FBLN1: variants seen among roughly 807,000 people sequenced by gnomAD.
The protein encoded by FBLN1 is fibulin 1, also known as fibulin-1.
FBLN1 carries 34 observed loss-of-function variants against 89.7 expected under a neutral mutation model. The ratio of observed to expected loss-of-function variants is 0.38; its 90% CI spans 0.29 to 0.50. FBLN1 has a LOEUF of 0.50. Ranked by LOEUF, FBLN1 falls within the 20% of genes least tolerant of loss-of-function variation. The pLI, the probability that FBLN1 is intolerant of heterozygous loss-of-function variation, is 0.92. For synonymous variants in FBLN1, 393 were observed against 391.3 expected (o/e 1.00, Z -0.05); for missense variants, 777 against 988.1 (o/e 0.79, Z 2.86).
chr22:45,560,391 C>T (rs1602209773), intron 14 of FBLN1, among the ~76,000 whole-genome samples: 2 of 152,304 alleles, frequency 1.3e-5, no homozygotes, highest in African/African-American at 4.8e-5. Context: ...CTGAATCCTC[C>T]CAACTTGGTT....
intron 10 of FBLN1, 28 bp from the exon 11 acceptor site, chr22:45,543,373 C>A (rs1043152925): frequency 1.2e-6 from 2 of 1,609,480 alleles, no homozygotes; most frequent in African/African-American, 1.3e-5. Flanking sequence ...TGGACATTGC[C>A]CTGAGTCAGC....
chr22:45,598,470 C>CT lies in FBLN1; in HGVS notation c.1973-1836dup, dbSNP rs1439086678. 9.2e-5 allele frequency among the ~76,000 whole-genome samples: 14 copies of CT among 152,220 alleles called. 1 individual carries two copies. The highest frequency in any genetic ancestry group is 7.2e-4 in the Admixed American group (11 of 15,288). On this transcript the variant is annotated intron_variant, in intron 16 of 16. Transcript: ENST00000327858. ...TTCATAAATGTCAGCACCCATAGGT[C>CT]TGTGCCTGTTTGGCCGCAGACACTG... is the stretch of plus-strand genomic sequence containing the variant.
chr22:45,561,464 C>T lies in FBLN1; in HGVS notation c.1697+10849C>T, dbSNP rs1447825874. ...ATGTATAGAGTCACTAAACTTGCCT[C>T]ATGAGCGATGAATCAGGAGTTTCAA... On this transcript the variant is annotated intron_variant, in intron 14 of 16. Transcript: ENST00000327858. The surrounding 1 kb of genome is among the most constrained non-coding windows in gnomAD (Gnocchi z 4.7). 6.6e-6 allele frequency among the ~76,000 whole-genome samples: 1 copy of T among 152,234 alleles called. No individual in the cohort carries two copies. Among genetic ancestry groups the T allele is most frequent in the African/African-American group, 2.4e-5 (1 of 41,458 alleles).
At position 45,600,325 on chromosome 22, in the gene FBLN1, G is replaced by A. The variant is rs770004900; in HGVS notation, c.1991G>A (p.Arg664Gln). The A allele has an allele frequency of 6.2e-6, 10 of 1,614,144 alleles. No individual in the cohort carries two copies. The highest frequency in any genetic ancestry group is 1.3e-5 in the African/African-American group (1 of 75,038). The change falls in exon 17 of 17, where the codon CGG becomes CAG. Residue 664 changes from arginine to glutamine, a missense_variant. Coordinates refer to ENST00000327858, the MANE Select transcript of FBLN1 (RefSeq NM_006486.3). ...GMTVGVVRQV[R>Q]PIVGPFHAVL... ...TCCGCAGGTGTCGTGCGCCAGGTGC[G>A]GCCCATCGTGGGCCCATTTCATGCC... is the stretch of plus-strand genomic sequence containing the variant.
intron 14 of FBLN1, among the ~76,000 whole-genome samples, chr22:45,551,897 C>T (rs1477933762): frequency 6.6e-6 from 1 of 152,244 alleles, no homozygotes; most frequent in Non-Finnish European, 1.5e-5. Flanking sequence ...ACCTCGATTT[C>T]TAACTTGCGC....
Position 45,518,755 on chromosome 22 carries a change from G to A in FBLN1, c.153G>A (p.Ser51=), listed in dbSNP as rs776003755. Residue 51 remains serine, a synonymous_variant, in exon 2 of 17, where the codon TCG becomes TCA. Coordinates refer to ENST00000327858, the MANE Select transcript of FBLN1 (RefSeq NM_006486.3). ...TGGCCACTCATCAGAAGGACTGCTCGCTGCCATATGCTACGGAATCCAAAG... is the reference window on the plus strand; with the variant it reads ...TGGCCACTCATCAGAAGGACTGCTCACTGCCATATGCTACGGAATCCAAAG... ...HRMATHQKDC[S]LPYATESKEC... is the part of the protein sequence containing the mutation. The A allele has an allele frequency of 4.3e-6, 7 of 1,611,794 alleles. No individual in the cohort carries two copies. The highest frequency in any genetic ancestry group is 4.5e-5 in the East Asian group (2 of 44,790).
In FBLN1 at chr22:45,574,883, GC is replaced by G. The variant is rs1164527595; in HGVS notation, c.1840+232del. Among the ~76,000 whole-genome samples, 2 of 147,546 alleles carry G rather than the reference GC, an allele frequency of 1.4e-5. No individual in the cohort carries two copies. Among genetic ancestry groups the G allele is most frequent in the Non-Finnish European group, 3.0e-5 (2 of 67,446 alleles). ...TGCAAGCTCCACCTCCCGGGTTCACGCCATTCTCCTGCCTCAGCCTTCCGAG... is the reference window on the plus strand; with the variant it reads ...TGCAAGCTCCACCTCCCGGGTTCACGCATTCTCCTGCCTCAGCCTTCCGAG... On this transcript the variant is annotated intron_variant, in intron 15 of 16. Transcript: ENST00000327858. The surrounding 1 kb of genome is among the most constrained non-coding windows in gnomAD (Gnocchi z 4.1).
intron 16 of FBLN1, among the ~76,000 whole-genome samples, chr22:45,592,931 C>G (rs1000214506): frequency 2.0e-5 from 3 of 152,184 alleles, no homozygotes; most frequent in African/African-American, 7.2e-5. Flanking sequence ...CTTGATTCAT[C>G]ATCTGGTTTG....
At chr22:45,592,316 T>A (rs1169011719) in intron 16 of FBLN1, among the ~76,000 whole-genome samples, 1 of 152,102 alleles carries the variant, frequency 6.6e-6, no homozygotes, top group Non-Finnish European at 1.5e-5. Flanking sequence ...TGACAATACT[T>A]CCATGTGCTT....
Position 45,550,895 on chromosome 22 carries a change from T to C in FBLN1, c.1697+280T>C, listed in dbSNP as rs982648980. ...CAGGAGAAACCACAGCCCTCTTTTT[T>C]CCTAGGGTGGAAGCCTTGGGCAAGC... On this transcript the variant is annotated intron_variant, in intron 14 of 16. Transcript: ENST00000327858. The surrounding 1 kb of genome is among the most constrained non-coding windows in gnomAD (Gnocchi z 8.4). The C allele has an allele frequency of 1.4e-5, 7 of 506,424 alleles. No individual in the cohort carries two copies. The highest frequency in any genetic ancestry group is 1.2e-4 in the African/African-American group (6 of 51,880). The allele number at this position is 506,424 out of a possible 1,614,324, so 31.4% of individuals were successfully genotyped here. A position where few individuals can be genotyped will look rare whatever the true frequency, so the allele number is the denominator to read the frequency against.
In FBLN1 at chr22:45,536,217, T is replaced by G. The variant is rs965909407; in HGVS notation, c.922+880T>G. ...AAAAATAAAAAACAGTCTGTGTTAGTATTTGAATTCATAGAGACAGAAAGT... is the reference window on the plus strand; with the variant it reads ...AAAAATAAAAAACAGTCTGTGTTAGGATTTGAATTCATAGAGACAGAAAGT... On this transcript the variant is annotated intron_variant, in intron 8 of 16. Transcript: ENST00000327858. The surrounding 1 kb of genome is among the most constrained non-coding windows in gnomAD (Gnocchi z 5.1). Among the ~76,000 whole-genome samples, 1 of 152,008 alleles carries G rather than the reference T, an allele frequency of 6.6e-6. No homozygotes were observed. Among genetic ancestry groups the G allele is most frequent in the African/African-American group, 2.4e-5 (1 of 41,368 alleles).
intron 9 of FBLN1, 92 bp from the exon 10 acceptor site, chr22:45,542,063 T>C: frequency 1.1e-5 from 18 of 1,576,746 alleles, no homozygotes; most frequent in Non-Finnish European, 1.5e-5. Flanking sequence ...TCCATGTCCA[T>C]GTGTTCCTTT....
intron 2 of FBLN1, among the ~76,000 whole-genome samples, chr22:45,522,047 G>A (rs949896800): frequency 4.6e-5 from 7 of 151,782 alleles, no homozygotes; most frequent in Admixed American, 1.3e-4. Flanking sequence ...GTGCAATGGC[G>A]CAATCTCAGC....
Position 45,600,496 on chromosome 22 carries a change from C to G in FBLN1, c.*50C>G. 1.9e-6 allele frequency: 3 copies of G among 1,608,266 alleles called. No homozygotes were observed. Among genetic ancestry groups the G allele is most frequent in the Non-Finnish European group, 2.6e-6 (3 of 1,174,754 alleles). ...GGTGCACCTCCAGGCCAAATCATTGCTGCCAGTGACTGTGGTCTGTACTTG... is the reference window on the plus strand; with the variant it reads ...GGTGCACCTCCAGGCCAAATCATTGGTGCCAGTGACTGTGGTCTGTACTTG... On this transcript the variant is annotated 3_prime_UTR_variant, in exon 17 of 17. Coordinates refer to ENST00000327858, the MANE Select transcript of FBLN1 (RefSeq NM_006486.3).
At chr22:45,546,999 A>C in intron 11 of FBLN1, 86 bp from the exon 12 acceptor site, 2 of 1,598,212 alleles carry the variant, frequency 1.3e-6, no homozygotes, top group South Asian at 2.2e-5. Flanking sequence ...GGTGGAGAGG[A>C]GATTTTCTGT....
At chr22:45,546,470 T>A (rs922181537) in intron 11 of FBLN1, among the ~76,000 whole-genome samples, 1 of 152,236 alleles carries the variant, frequency 6.6e-6, no homozygotes, top group Non-Finnish European at 1.5e-5. Context: ...CACCTCGGCC[T>A]CCCGAAGTGC....
At position 45,556,242 on chromosome 22, in the gene FBLN1, C is replaced by T. The variant is rs756576400; in HGVS notation, c.1697+5627C>T. Among the ~76,000 whole-genome samples the T allele has an allele frequency of 7.2e-5, 11 of 152,236 alleles. No homozygotes were observed. Among genetic ancestry groups the T allele is most frequent in the South Asian group, 2.1e-4 (1 of 4,810 alleles). ...AGCTCCTGACCTCAAGTGATCCTCC[C>T]GCCTCGGCCTCCCAAAATGCTGGGA... On this transcript the variant is annotated intron_variant, in intron 14 of 16. Coordinates refer to ENST00000327858, the MANE Select transcript of FBLN1 (RefSeq NM_006486.3). This position sits in a 1 kb window ranked among gnomAD's most constrained non-coding sequence, Gnocchi z 4.6.
rs1287975408 is a variant in FBLN1, at chr22:45,579,447, A to G, written c.1972+2339A>G. Among the ~76,000 whole-genome samples, 1 of 152,236 alleles carries G rather than the reference A, an allele frequency of 6.6e-6. No individual in the cohort carries two copies. The highest frequency in any genetic ancestry group is 2.4e-5 in the African/African-American group (1 of 41,476). On this transcript the variant is annotated intron_variant, in intron 16 of 16. Coordinates refer to ENST00000327858, the MANE Select transcript of FBLN1 (RefSeq NM_006486.3). The surrounding 1 kb of genome is among the most constrained non-coding windows in gnomAD (Gnocchi z 5.5). ...GGAACGGAATGTGGATGAGGCCACA[A>G]GGACCCAGCGGCTTCCCCCGGCACA...
rs147636884 is a variant in FBLN1, at chr22:45,558,102, G to A, written c.1697+7487G>A. 107 of 716,816 alleles carry A rather than the reference G, an allele frequency of 1.5e-4. 1 individual carries two copies. In the African/African-American group the frequency reaches 1.6e-3, roughly 11 times the overall value. The allele number at this position is 716,816 out of a possible 1,614,324, so 44.4% of individuals were successfully genotyped here. On this transcript the variant is annotated intron_variant, in intron 14 of 16. Coordinates refer to ENST00000327858, the MANE Select transcript of FBLN1 (RefSeq NM_006486.3). ...GTAGGGAACTCTGCATGAGGCCATC[G>A]GTGCAGGCTGGAGAAGAGAAGGCAA...
Sources: gnomAD v4.1 joint callset for allele counts (sites outside exome capture counted in the v4.1 genomes callset) on GRCh38, gnomAD v4.1.1 for gene constraint, Gnocchi (gnomAD v3.1) non-coding constraint, MANE v1.5 for transcripts, NCBI Gene and HGNC (gene_info 2026-07-23, HGNC 2026-07-21) for gene names.